VWA5A: variants seen among roughly 807,000 people sequenced by gnomAD.
VWA5A encodes the protein von Willebrand factor A domain-containing protein 5A.
A neutral mutation model predicts 84.6 loss-of-function variants in VWA5A; 77 were observed. That is an observed-to-expected ratio of 0.91 (90% CI 0.76 to 1.10). VWA5A has a LOEUF of 1.10. VWA5A is among the 50% of genes least tolerant of loss of function. VWA5A has a pLI of 0.00. For missense variants in VWA5A, 973 were observed against 963.0 expected, an observed-to-expected ratio of 1.01 and a Z score of -0.14; for synonymous variants, 334 against 350.1, an observed-to-expected ratio of 0.95 and a Z score of 0.51.
intron 7 of VWA5A, among the ~76,000 whole-genome samples, chr11:124,120,654 C>T (rs1864917228): frequency 6.6e-6 from 1 of 152,210 alleles, no homozygotes; most frequent in African/African-American, 2.4e-5. Context: ...CCAGCTTCCA[C>T]CAGATTTGCT....
At position 124,134,890 on chromosome 11, in the gene VWA5A, C is replaced by T. The variant is rs367656216; in HGVS notation, c.1245-30C>T. Reference sequence around the variant, plus strand: ...TTATATTTTCACTGTTTAATGCCTTCCTCTAACCTCTGTCCTGTTACAATT... The same window carrying T: ...TTATATTTTCACTGTTTAATGCCTTTCTCTAACCTCTGTCCTGTTACAATT... On this transcript the variant is annotated intron_variant, in intron 11 of 18. Transcript: ENST00000456829. The T allele has an allele frequency of 6.1e-5, 96 of 1,562,882 alleles. No individual in the cohort carries two copies. In the African/African-American group the frequency reaches 1.3e-3, roughly 20 times the overall value.
chr11:124,129,540 T>G (rs1865067167), intron 11 of VWA5A, among the ~76,000 whole-genome samples: 1 of 152,194 alleles, frequency 6.6e-6, no homozygotes, highest in African/African-American at 2.4e-5. Flanking sequence ...TTTGGAATAG[T>G]TTCAGAAGGA....
At chr11:124,135,065 A>G (rs778151150) in intron 12 of VWA5A, 31 bp downstream of exon 12, 13 of 1,589,280 alleles carry the variant, frequency 8.2e-6, no homozygotes. Flanking sequence ...GTCTGTCTGG[A>G]GGTGGCAATC....
intron 15 of VWA5A, among the ~76,000 whole-genome samples, chr11:124,139,225 T>G (rs11219468): frequency 1.9e-4 from 28 of 147,434 alleles, no homozygotes; most frequent in Admixed American, 4.0e-4. Context: ...AGCATTTTGT[T>G]TGTGTGTGTG....
chr11:124,145,384 C>T (rs369572797), intron 18 of VWA5A, 21 bp downstream of exon 18: 5 of 1,595,156 alleles, frequency 3.1e-6, no homozygotes, highest in East Asian at 4.5e-5. Flanking sequence ...AATCCTAAGG[C>T]CTGTCTCCTT....
At chr11:124,122,085 T>G (rs1161509081) in intron 7 of VWA5A, among the ~76,000 whole-genome samples, 2 of 152,360 alleles carry the variant, frequency 1.3e-5, no homozygotes, top group African/African-American at 2.4e-5. Context: ...CAGATTCTAT[T>G]GTCATACCAA....
Position 124,123,102 on chromosome 11 carries a change from A to G in VWA5A, c.903A>G (p.Thr301=), listed in dbSNP as rs1172312574. The G allele has an allele frequency of 5.6e-6, 9 of 1,612,428 alleles. No homozygotes were observed. The highest frequency in any genetic ancestry group is 7.6e-6 in the Non-Finnish European group (9 of 1,179,678). ...AGAGCCCCATGAGTAGCCAGGATAC[A>G]TCTCAGCTGCGAATACAGGCAGCCA... The part of the protein sequence containing the change: ...SMQSPMSSQD[T]SQLRIQAAKE... The change falls in exon 8 of 19, where the codon ACA becomes ACG. Residue 301 remains threonine (T), a synonymous_variant. Transcript: ENST00000456829.
At chr11:124,129,069 G>A (rs1865060308) in intron 11 of VWA5A, among the ~76,000 whole-genome samples, 1 of 152,202 alleles carries the variant, frequency 6.6e-6, no homozygotes, top group African/African-American at 2.4e-5. Context: ...CGTTTTCAAA[G>A]GGAATGCTTC....
intron 11 of VWA5A, among the ~76,000 whole-genome samples, chr11:124,127,531 A>G (rs1163219996): frequency 1.3e-5 from 2 of 152,216 alleles, no homozygotes; most frequent in Non-Finnish European, 2.9e-5. Flanking sequence ...GTATATATCC[A>G]GTAATGGGAT....
At chr11:124,138,237 A>G (rs1050046668) in intron 15 of VWA5A, among the ~76,000 whole-genome samples, 37 of 152,144 alleles carry the variant, frequency 2.4e-4, no homozygotes, top group African/African-American at 8.7e-4. Context: ...GGTTGATTCC[A>G]TGACTTGGCT....
chr11:124,137,211 G>A lies in VWA5A; in HGVS notation c.1822G>A (p.Val608Ile), dbSNP rs193166573. ...PVQGPLAHRD[V>I]PRPILLGASA... Reference sequence around the variant, plus strand: ...TCAGGGGCCTCTGGCTCATAGGGACGTCCCAAGGCCAATTCTGTTGGGTGC... The same window carrying A: ...TCAGGGGCCTCTGGCTCATAGGGACATCCCAAGGCCAATTCTGTTGGGTGC... Residue 608 changes from valine to isoleucine, a missense_variant, in exon 15 of 19, where the codon GTC (valine) becomes ATC (isoleucine). Physicochemically the swap from Val to Ile is conservative, Grantham distance 29. Transcript: ENST00000456829. 5.7e-5 allele frequency: 92 copies of A among 1,614,122 alleles called. No individual in the cohort carries two copies. In the African/African-American group the frequency reaches 5.9e-4, roughly 10 times the overall value.
At chr11:124,116,020 G>T (rs1294740141) in intron 1 of VWA5A, 1 of 152,262 alleles carries the variant, frequency 6.6e-6, no homozygotes, top group East Asian at 1.9e-4. Context: ...TCTCCTCCTT[G>T]TCTGGTTCCG....
intron 7 of VWA5A, among the ~76,000 whole-genome samples, chr11:124,120,890 T>A (rs1208695183): frequency 6.6e-6 from 1 of 152,232 alleles, no homozygotes; most frequent in East Asian, 1.9e-4. Context: ...CCTGTTTTTC[T>A]AAGAAGTTCC....
intron 7 of VWA5A, among the ~76,000 whole-genome samples, chr11:124,119,787 G>A (rs995335340): frequency 3.3e-5 from 5 of 152,114 alleles, no homozygotes; most frequent in East Asian, 1.9e-4. Flanking sequence ...AGAATGTTAC[G>A]TAAAAGAAAA....
At chr11:124,132,207 T>A (rs990408043) in intron 11 of VWA5A, among the ~76,000 whole-genome samples, 2 of 152,128 alleles carry the variant, frequency 1.3e-5, no homozygotes, top group Non-Finnish European at 1.5e-5. Flanking sequence ...GTAGTTGTGA[T>A]GTATTAATCT....
rs762074926 is a variant in VWA5A at position 124,119,038 on chromosome 11, G to A, written c.709G>A (p.Val237Met). ...DVELLIYYNE[V>M]HTPSVVLEMG... ...GGAACTCCTGATTTACTACAATGAGGTGCATACCCCCAGCGTGGTTTTGGA... is the reference window on the plus strand; with the variant it reads ...GGAACTCCTGATTTACTACAATGAGATGCATACCCCCAGCGTGGTTTTGGA... Residue 237 changes from valine to methionine, a missense_variant, in exon 7 of 19, where the codon GTG becomes ATG. Transcript: ENST00000456829. 3 of 1,614,208 alleles carry A rather than the reference G, an allele frequency of 1.9e-6. No homozygotes were observed. Among genetic ancestry groups the A allele is most frequent in the South Asian group, 1.1e-5 (1 of 91,078 alleles).
chr11:124,145,950 A>G lies in VWA5A; in HGVS notation c.*5A>G, dbSNP rs759804234. On this transcript the variant is annotated 3_prime_UTR_variant, in exon 19 of 19. Transcript: ENST00000456829. ...CCTGCTATCTTTGCCTTTTGAAGATACCATCCAGAAAAAGAAGTGCCTTTA... is the reference window on the plus strand; with the variant it reads ...CCTGCTATCTTTGCCTTTTGAAGATGCCATCCAGAAAAAGAAGTGCCTTTA... 4 of 1,580,054 alleles carry G rather than the reference A, an allele frequency of 2.5e-6. No homozygotes were observed. Among genetic ancestry groups the G allele is most frequent in the Non-Finnish European group, 3.5e-6 (4 of 1,158,910 alleles).
rs567483348 is a variant in VWA5A at position 124,123,559 on chromosome 11, C to T, written c.1020-101C>T. 21 of 1,608,054 alleles carry T rather than the reference C, an allele frequency of 1.3e-5. No individual in the cohort carries two copies. The African/African-American group carries it at 1.7e-4, about 13-fold the overall frequency. On this transcript the variant is annotated intron_variant, in intron 9 of 18. Transcript: ENST00000456829. ...GAGTTGACTTTGGCATTGGGGGTTT[C>T]GGATAAGACTCTCTTTTAATGGGGG...
intron 11 of VWA5A, among the ~76,000 whole-genome samples, chr11:124,134,330 T>C (rs1865141542): frequency 6.6e-6 from 1 of 152,220 alleles, no homozygotes; most frequent in South Asian, 2.1e-4. Flanking sequence ...TGTCATGCCT[T>C]CCAAAAGCGC....
Sources: gnomAD v4.1 joint callset for allele counts (sites outside exome capture counted in the v4.1 genomes callset) on GRCh38, gnomAD v4.1.1 for gene constraint, MANE v1.5 for transcripts, NCBI Gene and HGNC (gene_info 2026-07-23, HGNC 2026-07-21) for gene names.